The following STAU1 variants were observed in gnomAD, a reference collection of about 807,000 sequenced individuals.
The protein encoded by STAU1 is staufen double-stranded RNA binding protein 1, also known as double-stranded RNA-binding protein Staufen homolog 1.
Under a neutral mutation model 62.9 loss-of-function variants are expected in STAU1, and 13 were observed. The ratio of observed to expected loss-of-function variants is 0.21; its 90% CI spans 0.13 to 0.33. The LOEUF is 0.33. Ranked by LOEUF, STAU1 falls within the 10% of genes least tolerant of loss-of-function variation. The pLI, the probability that STAU1 is intolerant of heterozygous loss-of-function variation, is 1.00. For missense variants in STAU1, 571 were observed against 712.1 expected, an observed-to-expected ratio of 0.80 and a Z score of 2.25; for synonymous variants, 269 against 265.1, an observed-to-expected ratio of 1.01 and a Z score of -0.14.
rs1416241791 is a variant in STAU1, at chr20:49,126,258, C to T, written c.610-1671G>A. Among the ~76,000 whole-genome samples, 4 of 151,732 alleles carry T rather than the reference C, an allele frequency of 2.6e-5. No individual in the cohort carries two copies. In the East Asian group the frequency reaches 5.8e-4, roughly 22 times the overall value. ...ATGGACATTATCAAGAAAGTGATTA[C>T]AATAACACAGATAGAAAATCAGGCT... is the stretch of plus-strand genomic sequence containing the variant. On this transcript the variant is annotated intron_variant, in intron 6 of 13. Coordinates refer to ENST00000371856, the MANE Select transcript of STAU1 (RefSeq NM_017453.4).
At position 49,117,537 on chromosome 20, in the gene STAU1, G is replaced by C. The variant is rs1411322436; in HGVS notation, c.1509+240C>G. On this transcript the variant is annotated intron_variant, in intron 11 of 13. Coordinates refer to ENST00000371856, the MANE Select transcript of STAU1 (RefSeq NM_017453.4). The surrounding 1 kb of genome is among the most constrained non-coding windows in gnomAD (Gnocchi z 4.6). ...AATTTACAACCACTGCTAGTGGTTA[G>C]AAGCTTTTAGGGTTGGCTTGCATGT... 6.6e-6 allele frequency among the ~76,000 whole-genome samples: 1 copy of C among 152,208 alleles called. No individual in the cohort carries two copies. Among genetic ancestry groups the C allele is most frequent in the African/African-American group, 2.4e-5 (1 of 41,446 alleles).
intron 3 of STAU1, among the ~76,000 whole-genome samples, chr20:49,164,579 C>G (rs1178886947): frequency 6.6e-6 from 1 of 152,002 alleles, no homozygotes; most frequent in African/African-American, 2.4e-5. Context: ...TGTGAACCAC[C>G]ACGCCTGGCC....
At chr20:49,202,419 C>T in the STAU1 span, among the ~76,000 whole-genome samples, 1 of 151,344 alleles carries the variant, frequency 6.6e-6, no homozygotes, top group African/African-American at 2.4e-5. Flanking sequence ...TAAAAATTAG[C>T]CGGGCTTGGT....
the STAU1 span, among the ~76,000 whole-genome samples, chr20:49,203,556 C>G: frequency 6.6e-6 from 1 of 152,062 alleles, no homozygotes; most frequent in African/African-American, 2.4e-5. Flanking sequence ...GGTGACGATT[C>G]GAGAGGAAAG....
the STAU1 span, among the ~76,000 whole-genome samples, chr20:49,219,091 T>A: frequency 1.3e-5 from 2 of 151,776 alleles, no homozygotes; most frequent in African/African-American, 4.8e-5. Context: ...GCTAACTGCT[T>A]ATTGTATTTT....
At chr20:49,218,286 A>G in the STAU1 span, among the ~76,000 whole-genome samples, 3 of 148,418 alleles carry the variant, frequency 2.0e-5, no homozygotes, top group Admixed American at 6.7e-5. Flanking sequence ...GTGCAGTGGC[A>G]CGATCTCGGC....
At chr20:49,132,507 C>G (rs187439096) in intron 6 of STAU1, among the ~76,000 whole-genome samples, 51 of 152,278 alleles carry the variant, frequency 3.3e-4, no homozygotes, top group Non-Finnish European at 5.9e-4. Flanking sequence ...GCCTATAATC[C>G]CATCACTTTA....
chr20:49,173,219 A>G (rs2042293477), intron 2 of STAU1, among the ~76,000 whole-genome samples: 2 of 149,802 alleles, frequency 1.3e-5, no homozygotes, highest in Admixed American at 1.3e-4. Flanking sequence ...ACACTTTGGG[A>G]GGCCAAGGTG....
At chr20:49,190,373 TC>T (rs1909351501), upstream of STAU1, among the ~76,000 whole-genome samples, 1 of 152,148 alleles carries the variant, frequency 6.6e-6, no homozygotes, top group Non-Finnish European at 1.5e-5. Context: ...AGCCTCAACC[TC>T]CTGAGCTCAA....
At chr20:49,145,423 CAAAAAAA>C (rs35023867) in intron 5 of STAU1, among the ~76,000 whole-genome samples, 2 of 40,148 alleles carry the variant, frequency 5.0e-5, no homozygotes, top group South Asian at 1.7e-3. Flanking sequence ...GACTCCGTCT[CAAAAAAA>C]AAAAAAAAAA....
chr20:49,130,831 G>C (rs2092732904), intron 6 of STAU1, among the ~76,000 whole-genome samples: 1 of 152,030 alleles, frequency 6.6e-6, no homozygotes, highest in South Asian at 2.1e-4. Flanking sequence ...CTAGCTACTT[G>C]GGAGGCTGAG....
chr20:49,123,042 A>G, intron 8 of STAU1, 50 bp downstream of exon 8: 1 of 1,515,858 alleles, frequency 6.6e-7, no homozygotes, highest in Non-Finnish European at 8.8e-7. Flanking sequence ...TCAGCCCCCA[A>G]GGCTGGACGT....
Position 49,166,206 on chromosome 20 carries a change from A to T in STAU1, c.-5T>A, listed in dbSNP as rs754394684. The T allele has an allele frequency of 3.7e-6, 6 of 1,614,082 alleles. No individual in the cohort carries two copies. The South Asian group carries it at 6.6e-5, about 18-fold the overall frequency. On this transcript the variant is annotated 5_prime_UTR_variant, in exon 3 of 14. Transcript: ENST00000371856. ...TTGCACTTGAACTTGAGACATGGTC[A>T]CTTTCAACAAAAGTGAACAAATGCA...
rs2092242571 is a variant in STAU1, at chr20:49,113,874, G to T, written c.*1004C>A. ...TAAGTCCTCAAGAGCCATATGTATA[G>T]ATACACAATGTTTTTTAATAATCTT... On this transcript the variant is annotated 3_prime_UTR_variant, in exon 14 of 14. Transcript: ENST00000371856. 1 of 152,618 alleles carries T rather than the reference G, an allele frequency of 6.6e-6. No individual in the cohort carries two copies. Among genetic ancestry groups the T allele is most frequent in the Admixed American group, 6.5e-5 (1 of 15,284 alleles). The allele number at this position is 152,618 out of a possible 1,614,324, so 9.5% of individuals were successfully genotyped here. A position where few individuals can be genotyped will look rare whatever the true frequency, so the allele number is the denominator to read the frequency against.
intron 12 of STAU1, 128 bp from the exon 13 acceptor site, chr20:49,115,995 C>A: frequency 1.5e-6 from 1 of 666,658 alleles, no homozygotes; most frequent in Non-Finnish European, 2.6e-6. Flanking sequence ...AACTCTGGTA[C>A]TACTAAATAA....
At chr20:49,216,476 C>T in the STAU1 span, among the ~76,000 whole-genome samples, 18 of 151,856 alleles carry the variant, frequency 1.2e-4, no homozygotes, top group East Asian at 5.8e-4. Context: ...TGCAGTGAGC[C>T]GAGATCATGC....
the STAU1 span, among the ~76,000 whole-genome samples, chr20:49,211,118 G>C: frequency 1.3e-5 from 2 of 152,126 alleles, no homozygotes; most frequent in Admixed American, 1.3e-4. Flanking sequence ...TAATGTTTTT[G>C]AGGTTCATCC....
rs759239053 is a variant in STAU1, at chr20:49,114,867, C to T, written c.*11G>A. 7 of 1,612,912 alleles carry T rather than the reference C, an allele frequency of 4.3e-6. No individual in the cohort carries two copies. Among genetic ancestry groups the T allele is most frequent in the Non-Finnish European group, 5.9e-6 (7 of 1,179,400 alleles). On this transcript the variant is annotated 3_prime_UTR_variant, in exon 14 of 14. Transcript: ENST00000371856. ...GTTGGGATTTTATAATGGTTCATGG[C>T]CAGAAAAGGTTCAGCACCTCCCACA...
At chr20:49,129,328 C>A (rs2092703030) in intron 6 of STAU1, among the ~76,000 whole-genome samples, 1 of 118,572 alleles carries the variant, frequency 8.4e-6, no homozygotes, top group Admixed American at 1.0e-4. Flanking sequence ...CACTCTGTCA[C>A]CCAGGGTGGA....
Sources: allele counts gnomAD v4.1 joint callset (sites outside exome capture counted in the v4.1 genomes callset), GRCh38; gene constraint gnomAD v4.1.1; non-coding constraint Gnocchi (gnomAD v3.1); transcripts MANE v1.5; gene names NCBI Gene and HGNC (gene_info 2026-07-23, HGNC 2026-07-21).